KCNN2: variants seen among roughly 807,000 people sequenced by gnomAD.
KCNN2 encodes the protein potassium calcium-activated channel subfamily N member 2.
KCNN2 carries 24 observed loss-of-function variants against 55.5 expected under a neutral mutation model. The ratio of observed to expected loss-of-function variants is 0.43; its 90% confidence interval spans 0.31 to 0.61. KCNN2 has a LOEUF of 0.61. Ranked by LOEUF, KCNN2 falls within the 20% of genes least tolerant of loss-of-function variation. KCNN2 has a pLI of 0.08. For missense variants in KCNN2, 754 were observed against 853.6 expected, an observed-to-expected ratio of 0.88 and a Z score of 1.45; for synonymous variants, 431 against 336.1, an observed-to-expected ratio of 1.28 and a Z score of -3.09.
At chr5:114,416,834 T>C (rs1351618726) in intron 3 of KCNN2, among the ~76,000 whole-genome samples, 1 of 152,216 alleles carries the variant, frequency 6.6e-6, no homozygotes, top group Non-Finnish European at 1.5e-5. Flanking sequence ...GGAATCATGG[T>C]TTGTAAATAT....
chr5:114,130,735 C>A (rs974309816), intron 1 of KCNN2, among the ~76,000 whole-genome samples: 1 of 152,120 alleles, frequency 6.6e-6, no homozygotes, highest in Non-Finnish European at 1.5e-5. Flanking sequence ...CCTCTTATGT[C>A]CCAACACTAA....
chr5:114,271,823 A>G (rs1038660389), intron 2 of KCNN2, among the ~76,000 whole-genome samples: 5 of 152,136 alleles, frequency 3.3e-5, no homozygotes, highest in African/African-American at 1.2e-4. Flanking sequence ...AACCATTTTC[A>G]TTCTGTGTGA....
At chr5:114,376,577 G>C (rs1475371498) in intron 2 of KCNN2, among the ~76,000 whole-genome samples, 2 of 152,212 alleles carry the variant, frequency 1.3e-5, no homozygotes, top group Non-Finnish European at 2.9e-5. Flanking sequence ...TGTGACATAT[G>C]CTGTAGCTGC....
intron 1 of KCNN2, among the ~76,000 whole-genome samples, chr5:114,165,169 G>A (rs1485648036): frequency 6.6e-6 from 1 of 152,108 alleles, no homozygotes; most frequent in Admixed American, 6.6e-5. Context: ...ACTTACATGT[G>A]GAGTTTTTTC....
intron 2 of KCNN2, among the ~76,000 whole-genome samples, chr5:114,222,084 C>T (rs1227790001): frequency 6.6e-6 from 1 of 152,148 alleles, no homozygotes; most frequent in Non-Finnish European, 1.5e-5. Context: ...TTATATGCCT[C>T]ATTGTCTAGT....
At chr5:114,458,131 G>A (rs1260782364) in intron 3 of KCNN2, among the ~76,000 whole-genome samples, 2 of 152,130 alleles carry the variant, frequency 1.3e-5, no homozygotes, top group African/African-American at 4.8e-5. Flanking sequence ...TATTTCAGGA[G>A]AGAGGTGGAT....
At chr5:114,285,634 C>T (rs942598489) in intron 2 of KCNN2, among the ~76,000 whole-genome samples, 2 of 152,018 alleles carry the variant, frequency 1.3e-5, no homozygotes, top group African/African-American at 2.4e-5. Context: ...TCAATAATTG[C>T]AGATTATATG....
At chr5:114,191,272 A>G (rs747036520) in intron 1 of KCNN2, among the ~76,000 whole-genome samples, 38 of 152,270 alleles carry the variant, frequency 2.5e-4, no homozygotes, top group Middle Eastern at 3.4e-3. Flanking sequence ...GCCTGCAGCA[A>G]TCTGTTGTTT....
intron 1 of KCNN2, among the ~76,000 whole-genome samples, chr5:114,088,957 A>C (rs1751079311): frequency 6.6e-6 from 1 of 152,206 alleles, no homozygotes; most frequent in Admixed American, 6.5e-5. Flanking sequence ...ATCAGTTTTA[A>C]AAAATTATTC....
intron 1 of KCNN2, among the ~76,000 whole-genome samples, chr5:114,212,493 T>G (rs566476964): frequency 2.6e-5 from 4 of 152,210 alleles, no homozygotes; most frequent in African/African-American, 7.2e-5. Flanking sequence ...TACTAAAAAC[T>G]AATTAATTGT....
intron 2 of KCNN2, among the ~76,000 whole-genome samples, chr5:114,289,156 G>T (rs981910371): frequency 6.6e-6 from 1 of 152,064 alleles, no homozygotes; most frequent in Non-Finnish European, 1.5e-5. Flanking sequence ...ATTAGTAATA[G>T]AAGTATGGGT....
At chr5:114,409,708 G>A (rs764405360) in intron 3 of KCNN2, among the ~76,000 whole-genome samples, 11 of 152,172 alleles carry the variant, frequency 7.2e-5, no homozygotes, top group Non-Finnish European at 1.5e-4. Flanking sequence ...ACCTATTCCT[G>A]TCCTTCTAGG....
At chr5:114,111,703 T>G (rs1751601653) in intron 1 of KCNN2, among the ~76,000 whole-genome samples, 1 of 152,198 alleles carries the variant, frequency 6.6e-6, no homozygotes, top group Admixed American at 6.5e-5. Context: ...AAGATATTTA[T>G]GCAGCCAACA....
chr5:114,398,788 T>G (rs1758697334), intron 2 of KCNN2, among the ~76,000 whole-genome samples: 1 of 152,210 alleles, frequency 6.6e-6, no homozygotes. Flanking sequence ...CTAGGTATTT[T>G]ATTCTTTTTG....
At chr5:114,359,517 T>G (rs1757364627), upstream of KCNN2, among the ~76,000 whole-genome samples, 1 of 152,224 alleles carries the variant, frequency 6.6e-6, no homozygotes, top group Non-Finnish European at 1.5e-5. Context: ...AATTTGCTAT[T>G]TGACAAAGTC....
intron 2 of KCNN2, among the ~76,000 whole-genome samples, chr5:114,321,649 T>C (rs1317216737): frequency 9.8e-6 from 1 of 101,736 alleles, no homozygotes; most frequent in East Asian, 7.5e-4. Flanking sequence ...TTCACTGGAT[T>C]TGTTTTTTTT....
chr5:114,284,826 C>T (rs568481466), intron 2 of KCNN2, among the ~76,000 whole-genome samples: 3 of 152,080 alleles, frequency 2.0e-5, no homozygotes, highest in African/African-American at 7.2e-5. Flanking sequence ...CCGATCATCT[C>T]CATTTCTGAT....
At chr5:114,072,527 A>G (rs969984515) in intron 1 of KCNN2, among the ~76,000 whole-genome samples, 2 of 152,338 alleles carry the variant, frequency 1.3e-5, no homozygotes, top group South Asian at 4.1e-4. Context: ...AAGCAAAGTA[A>G]AAGTATTACT....
intron 1 of KCNN2, among the ~76,000 whole-genome samples, chr5:114,082,228 A>T (rs1750841827): frequency 6.6e-6 from 1 of 151,906 alleles, no homozygotes; most frequent in Non-Finnish European, 1.5e-5. Context: ...AGAGGCTGAA[A>T]TTGGAGGATT....
Sources: allele counts gnomAD v4.1 joint callset (sites outside exome capture counted in the v4.1 genomes callset), GRCh38; gene constraint gnomAD v4.1.1; transcripts MANE v1.5; gene names NCBI Gene and HGNC (gene_info 2026-07-23, HGNC 2026-07-21).